CRYGN: variants seen among roughly 807,000 people sequenced by gnomAD.
The protein encoded by CRYGN is crystallin gamma N.
In CRYGN, 17 loss-of-function variants were observed where a neutral mutation model predicts 19.2. The ratio of observed to expected loss-of-function variants is 0.89; its 90% CI spans 0.61 to 1.33. The LOEUF (loss-of-function observed/expected upper bound fraction) is 1.33, where lower values mean the gene tolerates loss of function less well. Ranked by LOEUF, CRYGN falls within the 40% of genes most tolerant of loss-of-function variation. The probability of loss-of-function intolerance (pLI) is 0.00; values close to 1 mark genes in which losing one functional copy is unlikely to be tolerated. For missense variants in CRYGN, 239 were observed against 239.6 expected, an observed-to-expected ratio of 1.00 and a Z score of 0.02; for synonymous variants, 84 against 85.8, an observed-to-expected ratio of 0.98 and a Z score of 0.12.
Position 151,430,130 on chromosome 7 carries a change from G to A in CRYGN, c.467C>T (p.Ser156Phe). The change falls in exon 4 of 4, where the codon TCT becomes TTT. Residue 156 changes from serine (S) to phenylalanine (F), a missense_variant. Transcript: ENST00000337323. The surrounding 1 kb of genome is among the most constrained non-coding windows in gnomAD (Gnocchi z 5.2). ...FGAEDFQLSS[S>F]LQSDQGPEEA... is the part of the protein sequence containing the mutation. Reference sequence around the variant, plus strand: ...TTCCGGTCCTTGATCTGATTGAAGAGAGCTGCTCAGCTGGAAGTCCTCAGC... The same window carrying A: ...TTCCGGTCCTTGATCTGATTGAAGAAAGCTGCTCAGCTGGAAGTCCTCAGC... 1 of 1,612,090 alleles carries A rather than the reference G, an allele frequency of 6.2e-7. No individual in the cohort carries two copies. The highest frequency in any genetic ancestry group is 2.2e-5 in the East Asian group (1 of 44,878).
At chr7:151,439,721 C>CAT (rs1303415556) in intron 1 of CRYGN, among the ~76,000 whole-genome samples, 176 bp downstream of exon 1, 2 of 152,190 alleles carry the variant, frequency 1.3e-5, no homozygotes, top group Non-Finnish European at 2.9e-5. Context: ...CCTTCCTATC[C>CAT]ATCCACACCA....
chr7:151,439,643 A>C (rs73476465), intron 1 of CRYGN, among the ~76,000 whole-genome samples: 4,016 of 152,150 alleles, frequency 0.026, 132 homozygotes, highest in African/African-American at 0.072. Flanking sequence ...GGGAGTCTGA[A>C]CACCCTCCCT....
At position 151,438,216 on chromosome 7, in the gene CRYGN, G is replaced by T. The variant is rs774859489; in HGVS notation, c.50C>A (p.Thr17Lys). Residue 17 changes from threonine to lysine, a missense_variant, in exon 2 of 4, where the codon ACA becomes AAA. Transcript: ENST00000337323. ...KITLYEGKHF[T>K]GQKLEVFGDC... is the part of the protein sequence containing the mutation. ...CCCGAAGACCTCCAGCTTCTGCCCTGTGAAGTGCTTGCCTTCATAGAGAGT... is the reference window on the plus strand; with the variant it reads ...CCCGAAGACCTCCAGCTTCTGCCCTTTGAAGTGCTTGCCTTCATAGAGAGT... 2 of 1,613,418 alleles carry T rather than the reference G, an allele frequency of 1.2e-6. No homozygotes were observed. Among genetic ancestry groups the T allele is most frequent in the South Asian group, 2.2e-5 (2 of 91,076 alleles).
At chr7:151,440,731 GC>G (rs1259963414), upstream of CRYGN, 1 of 152,866 alleles carries the variant, frequency 6.5e-6, no homozygotes, top group Non-Finnish European at 1.5e-5. Flanking sequence ...CACCCTGGAC[GC>G]CCAGGATCAG....
At chr7:151,438,671 T>C (rs1563082718) in intron 1 of CRYGN, among the ~76,000 whole-genome samples, 1 of 152,238 alleles carries the variant, frequency 6.6e-6, no homozygotes, top group Non-Finnish European at 1.5e-5. Flanking sequence ...AACCCTCTCA[T>C]GGTAACCCAG....
intron 3 of CRYGN, chr7:151,432,351 C>T: frequency 1.0e-6 from 1 of 961,268 alleles, no homozygotes; most frequent in Non-Finnish European, 1.3e-6. Context: ...GAGAGAAAAG[C>T]CTGCACAGCC....
intron 2 of CRYGN, 40 bp downstream of exon 2, chr7:151,437,956 C>A (rs772142577): frequency 6.2e-7 from 1 of 1,607,630 alleles, no homozygotes; most frequent in Non-Finnish European, 8.5e-7. Context: ...TCGGTCCCTC[C>A]AGCAGGAAGA....
chr7:151,436,092 A>G lies in CRYGN; in HGVS notation c.416+88T>C, dbSNP rs1445659475. Reference sequence around the variant, plus strand: ...TGGAGGTCTCATTCCCACCCCACCCACCACCCCTGTGTGGCGGGCAGCCTC... The same window carrying G: ...TGGAGGTCTCATTCCCACCCCACCCGCCACCCCTGTGTGGCGGGCAGCCTC... On this transcript the variant is annotated intron_variant, in intron 3 of 3. Transcript: ENST00000337323. The surrounding 1 kb of genome is among the most constrained non-coding windows in gnomAD (Gnocchi z 5.1). 1.6e-5 allele frequency: 18 copies of G among 1,092,466 alleles called. No homozygotes were observed. The highest frequency in any genetic ancestry group is 3.2e-5 in the African/African-American group (2 of 61,578). 67.7% of individuals were successfully genotyped at this position (1,092,466 alleles called of 1,614,324 possible).
Position 151,430,517 on chromosome 7 carries a change from C to T in CRYGN, c.417-337G>A, listed in dbSNP as rs530802995. On this transcript the variant is annotated intron_variant, in intron 3 of 3. Coordinates refer to ENST00000337323, the MANE Select transcript of CRYGN (RefSeq NM_144727.3). The surrounding 1 kb of genome is among the most constrained non-coding windows in gnomAD (Gnocchi z 5.2). ...GGAGGACACCCAGGAACGGGACAGCCATCCCCTGGCCCACCACACTCAGGC... is the reference window on the plus strand; with the variant it reads ...GGAGGACACCCAGGAACGGGACAGCTATCCCCTGGCCCACCACACTCAGGC... 6.6e-6 allele frequency among the ~76,000 whole-genome samples: 1 copy of T among 152,304 alleles called. No homozygotes were observed. The highest frequency in any genetic ancestry group is 2.1e-4 in the South Asian group (1 of 4,826).
upstream of CRYGN, chr7:151,440,305 A>G: frequency 6.8e-6 from 2 of 295,874 alleles, no homozygotes; most frequent in Non-Finnish European, 1.2e-5. Flanking sequence ...CTCCCTCCCA[A>G]GGCCTGTTCC....
chr7:151,439,928 G>A lies in CRYGN; in HGVS notation c.-11C>T. 2.0e-6 allele frequency: 3 copies of A among 1,536,844 alleles called. No individual in the cohort carries two copies. Among genetic ancestry groups the A allele is most frequent in the East Asian group, 2.4e-5 (1 of 41,132 alleles). On this transcript the variant is annotated 5_prime_UTR_variant, in exon 1 of 4. Coordinates refer to ENST00000337323, the MANE Select transcript of CRYGN (RefSeq NM_144727.3). ...CGAGCGCTGCGCCATGGTGCGCCCC[G>A]CCCCTTCCGCGGGTCCCCGTTTACA... is the stretch of plus-strand genomic sequence containing the variant.
Position 151,436,360 on chromosome 7 carries a change from GGT to G in CRYGN, c.271-37_271-36del. The G allele has an allele frequency of 1.5e-5, 21 of 1,397,008 alleles. No homozygotes were observed. The highest frequency in any genetic ancestry group is 2.9e-5 in the African/African-American group (2 of 68,224). The allele number at this position is 1,397,008 out of a possible 1,614,324, so 86.5% of individuals were successfully genotyped here. On this transcript the variant is annotated intron_variant, in intron 2 of 3. Transcript: ENST00000337323. The surrounding 1 kb of genome is among the most constrained non-coding windows in gnomAD (Gnocchi z 5.1). ...CAAGCAAAAAAGAAGGAAAGAAGGA[GGT>G]TGCTGTGAATTCCCCTCTCCCAGAA...
chr7:151,437,442 G>T (rs368178950), intron 2 of CRYGN, among the ~76,000 whole-genome samples: 2 of 152,150 alleles, frequency 1.3e-5, no homozygotes, highest in African/African-American at 4.8e-5. Flanking sequence ...ACAGTCTTTC[G>T]CCACCGGGGA....
chr7:151,432,269 C>T, intron 3 of CRYGN: 2 of 1,232,232 alleles, frequency 1.6e-6, no homozygotes, highest in Non-Finnish European at 2.0e-6. Flanking sequence ...TAGTTGGGCT[C>T]CTCATACAGG....
In CRYGN at chr7:151,430,662, G is replaced by A. The variant is rs1801443471; in HGVS notation, c.417-482C>T. On this transcript the variant is annotated intron_variant, in intron 3 of 3. Coordinates refer to ENST00000337323, the MANE Select transcript of CRYGN (RefSeq NM_144727.3). This position sits in a 1 kb window ranked among gnomAD's most constrained non-coding sequence, Gnocchi z 5.2. ...CCCCTAGGCCTGTCGGGGTGTCTCA[G>A]TTCAACTCAGATAGTAACCCAGGGC... Among the ~76,000 whole-genome samples the A allele has an allele frequency of 6.6e-6, 1 of 152,212 alleles. No individual in the cohort carries two copies. Among genetic ancestry groups the A allele is most frequent in the Non-Finnish European group, 1.5e-5 (1 of 68,038 alleles).
In CRYGN at chr7:151,430,785, A is replaced by G. The variant is rs1380031856; in HGVS notation, c.417-605T>C. ...CATCTACTCAGAAAACTGGAGTAAG[A>G]TGTATGGTGAGGAGGACCCGGGAAC... On this transcript the variant is annotated intron_variant, in intron 3 of 3. Transcript: ENST00000337323. This position sits in a 1 kb window ranked among gnomAD's most constrained non-coding sequence, Gnocchi z 5.2. Among the ~76,000 whole-genome samples, 1 of 152,140 alleles carries G rather than the reference A, an allele frequency of 6.6e-6. No individual in the cohort carries two copies. The highest frequency in any genetic ancestry group is 6.5e-5 in the Admixed American group (1 of 15,290).
rs1310219043 is a variant in CRYGN at position 151,431,139 on chromosome 7, A to G, written c.417-959T>C. ...TATGGTTTCCTCACAGGCAGGCTCCATTCAGGACTCTGCTGGAGGGCTGCC... is the reference window on the plus strand; with the variant it reads ...TATGGTTTCCTCACAGGCAGGCTCCGTTCAGGACTCTGCTGGAGGGCTGCC... On this transcript the variant is annotated intron_variant, in intron 3 of 3. Transcript: ENST00000337323. The surrounding 1 kb of genome is among the most constrained non-coding windows in gnomAD (Gnocchi z 4.8). Among the ~76,000 whole-genome samples, 6 of 152,120 alleles carry G rather than the reference A, an allele frequency of 3.9e-5. No homozygotes were observed. Among genetic ancestry groups the G allele is most frequent in the African/African-American group, 1.4e-4 (6 of 41,410 alleles).
chr7:151,431,893 C>G lies in CRYGN; in HGVS notation c.417-1713G>C, dbSNP rs531587236. 10 of 287,596 alleles carry G rather than the reference C, an allele frequency of 3.5e-5. No individual in the cohort carries two copies. The South Asian group carries it at 1.7e-3, about 48-fold the overall frequency. 17.8% of individuals were successfully genotyped at this position (287,596 alleles called of 1,614,324 possible). A position where few individuals can be genotyped will look rare whatever the true frequency, so the allele number is the denominator to read the frequency against. The stretch of plus-strand genomic sequence containing the variant: ...AACCGGCCTGGGTTCCGGCCCTGCC[C>G]CATCCCCATTGCTTCTCACCACCTC... On this transcript the variant is annotated intron_variant, in intron 3 of 3. Transcript: ENST00000337323. This position sits in a 1 kb window ranked among gnomAD's most constrained non-coding sequence, Gnocchi z 4.8.
chr7:151,434,046 G>T (rs1474925634), intron 3 of CRYGN, among the ~76,000 whole-genome samples: 2 of 152,094 alleles, frequency 1.3e-5, no homozygotes, highest in Non-Finnish European at 2.9e-5. Flanking sequence ...ACCCTGCCTT[G>T]CCCACTCCCC....
Sources: allele counts gnomAD v4.1 joint callset (sites outside exome capture counted in the v4.1 genomes callset), GRCh38; gene constraint gnomAD v4.1.1; non-coding constraint Gnocchi (gnomAD v3.1); transcripts MANE v1.5; gene names NCBI Gene and HGNC (gene_info 2026-07-23, HGNC 2026-07-21).